The following SCARA5 variants were observed in gnomAD, a reference collection of about 807,000 sequenced individuals.
The protein encoded by SCARA5 is scavenger receptor class A member 5.
In SCARA5, 45 loss-of-function variants were observed where a neutral mutation model predicts 46.3. That is an observed-to-expected ratio of 0.97 (90% confidence interval 0.76 to 1.24). The LOEUF is 1.24. SCARA5 is among the 50% of genes most tolerant of loss of function. SCARA5 has a pLI of 0.00. For synonymous variants in SCARA5, 333 were observed against 306.5 expected, an observed-to-expected ratio of 1.09 and a Z score of -0.90; for missense variants, 680 against 689.0, an observed-to-expected ratio of 0.99 and a Z score of 0.15.
At chr8:27,962,226 A>G (rs1362495724) in intron 3 of SCARA5, among the ~76,000 whole-genome samples, 1 of 152,200 alleles carries the variant, frequency 6.6e-6, no homozygotes, top group Non-Finnish European at 1.5e-5. Flanking sequence ...TCAAATTCAC[A>G]TATCCTCATA....
intron 4 of SCARA5, among the ~76,000 whole-genome samples, chr8:27,918,324 A>G (rs1464993612): frequency 6.6e-6 from 1 of 152,128 alleles, no homozygotes; most frequent in Non-Finnish European, 1.5e-5. Context: ...GATTCTCCTC[A>G]GGTCCCATTT....
chr8:27,930,780 C>G (rs1422324302), intron 3 of SCARA5, among the ~76,000 whole-genome samples: 1 of 152,134 alleles, frequency 6.6e-6, no homozygotes, highest in African/African-American at 2.4e-5. Flanking sequence ...ATACATAGCT[C>G]AAGGCCACCC....
chr8:27,916,556 G>A (rs1461042150), intron 4 of SCARA5, among the ~76,000 whole-genome samples: 1 of 152,116 alleles, frequency 6.6e-6, no homozygotes, highest in African/African-American at 2.4e-5. Flanking sequence ...ATAAAGCTAG[G>A]GCAGAAAGGC....
intron 3 of SCARA5, among the ~76,000 whole-genome samples, chr8:27,960,580 T>C (rs1808279357): frequency 6.6e-6 from 1 of 152,198 alleles, no homozygotes; most frequent in African/African-American, 2.4e-5. Context: ...GATCAACCCA[T>C]TGTACAGATG....
rs573121306 is a variant in SCARA5 at position 27,871,839 on chromosome 8, C to A, written c.*95G>T. ...CTGAGAATGCTGGACGGGGTGTGGT[C>A]GAGGCATGGTCAGGGTGGCCCCGAG... is the stretch of plus-strand genomic sequence containing the variant. On this transcript the variant is annotated 3_prime_UTR_variant, in exon 9 of 9. Coordinates refer to ENST00000354914, the MANE Select transcript of SCARA5 (RefSeq NM_173833.6). 1 of 1,585,942 alleles carries A rather than the reference C, an allele frequency of 6.3e-7. No homozygotes were observed. The highest frequency in any genetic ancestry group is 1.2e-5 in the South Asian group (1 of 86,282).
At position 27,921,540 on chromosome 8, in the gene SCARA5, G is replaced by A. The variant is rs76990816; in HGVS notation, c.916+31C>T. Reference sequence around the variant, plus strand: ...GAGGAAGACCCCATCAGAAGGGGCCGTGGGTGGAGGCAGCAAGGGCCTGGC... The same window carrying A: ...GAGGAAGACCCCATCAGAAGGGGCCATGGGTGGAGGCAGCAAGGGCCTGGC... On this transcript the variant is annotated intron_variant, in intron 4 of 8. Transcript: ENST00000354914. 2.6e-3 allele frequency: 3,937 copies of A among 1,517,838 alleles called. 77 individuals carry two copies. In the African/African-American group the frequency reaches 0.043, roughly 16 times the overall value. 94.0% of individuals were successfully genotyped at this position (1,517,838 alleles called of 1,614,324 possible).
At position 27,922,039 on chromosome 8, in the gene SCARA5, C is replaced by G; in HGVS notation, c.448G>C (p.Glu150Gln). ...GCCTGCAGCCCCCACAGCGCGCCCT[C>G]CAGCCGCTGCACTGCGCCCGCCAGC... Reference protein sequence around the residue: ...LALAGAVQRLEGALWGLQAQA... With the variant: ...LALAGAVQRLQGALWGLQAQA... Residue 150 changes from glutamate (E) to glutamine (Q), a missense_variant, in exon 4 of 9, where the codon GAG becomes CAG. Glu to Gln is a conservative substitution (Grantham distance 29, BLOSUM62 2). Around this residue, in one of 3 missense-constraint regions of SCARA5, gnomAD observed 438 missense variants for 384.5 expected, o/e 1.14. Coordinates refer to ENST00000354914, the MANE Select transcript of SCARA5 (RefSeq NM_173833.6). The G allele has an allele frequency of 6.3e-7, 1 of 1,575,682 alleles. No homozygotes were observed. Among genetic ancestry groups the G allele is most frequent in the East Asian group, 2.3e-5 (1 of 42,716 alleles).
chr8:27,898,835 GC>G (rs1807104754), intron 7 of SCARA5, among the ~76,000 whole-genome samples: 1 of 152,204 alleles, frequency 6.6e-6, no homozygotes, highest in Non-Finnish European at 1.5e-5. Context: ...AATCAGTCAT[GC>G]TAATGTAATG....
At position 27,954,579 on chromosome 8, in the gene SCARA5, CTT is replaced by C. The variant is rs542040189; in HGVS notation, c.241+11833_241+11834del. On this transcript the variant is annotated intron_variant, in intron 3 of 8. Coordinates refer to ENST00000354914, the MANE Select transcript of SCARA5 (RefSeq NM_173833.6). ...CATAATACTCCTTTGTGTTAACTGT[CTT>C]TTAAACAATGCTCTGAGACTGCACA... Among the ~76,000 whole-genome samples, 386 of 152,258 alleles carry C rather than the reference CTT, an allele frequency of 2.5e-3. 3 individuals are homozygous for C. Among genetic ancestry groups the C allele is most frequent in the African/African-American group, 9.0e-3 (373 of 41,538 alleles).
At chr8:27,979,692 T>C (rs1352953954) in intron 2 of SCARA5, among the ~76,000 whole-genome samples, 1 of 152,122 alleles carries the variant, frequency 6.6e-6, no homozygotes, top group East Asian at 1.9e-4. Context: ...TAGCTGGGAT[T>C]ACAGGCACAC....
chr8:27,952,460 T>TG (rs1472660937), intron 3 of SCARA5, among the ~76,000 whole-genome samples: 1 of 151,888 alleles, frequency 6.6e-6, no homozygotes, highest in Non-Finnish European at 1.5e-5. Flanking sequence ...GCACAGGGAG[T>TG]GGTCAGGGGG....
At chr8:27,882,671 A>G (rs565410948) in intron 7 of SCARA5, among the ~76,000 whole-genome samples, 3 of 152,358 alleles carry the variant, frequency 2.0e-5, no homozygotes, top group African/African-American at 7.2e-5. Context: ...TACTATCTGC[A>G]ACTGTGAGAC....
intron 3 of SCARA5, among the ~76,000 whole-genome samples, chr8:27,933,220 G>A (rs1271365666): frequency 2.0e-5 from 3 of 152,148 alleles, no homozygotes; most frequent in Non-Finnish European, 4.4e-5. Flanking sequence ...AGTGACAAGT[G>A]GTTAGAACAG....
chr8:27,956,767 C>T (rs1263511310), intron 3 of SCARA5, among the ~76,000 whole-genome samples: 2 of 152,162 alleles, frequency 1.3e-5, no homozygotes, highest in Non-Finnish European at 2.9e-5. Flanking sequence ...TCCCATCTCC[C>T]TGTGTCTCAT....
chr8:27,967,346 G>A (rs556299931), intron 2 of SCARA5, among the ~76,000 whole-genome samples: 1 of 152,182 alleles, frequency 6.6e-6, no homozygotes, highest in African/African-American at 2.4e-5. Context: ...CAGCAAATCC[G>A]GCCCCAGGAC....
rs1000937719 is a variant in SCARA5, at chr8:27,918,156, G to T, written c.916+3415C>A. Reference sequence around the variant, plus strand: ...ATCATTGAACTGTACACCTGAAAAGGGGGTATTTCATGGCATGTAAATTAC... The same window carrying T: ...ATCATTGAACTGTACACCTGAAAAGTGGGTATTTCATGGCATGTAAATTAC... On this transcript the variant is annotated intron_variant, in intron 4 of 8. Transcript: ENST00000354914. Among the ~76,000 whole-genome samples, 2 of 152,222 alleles carry T rather than the reference G, an allele frequency of 1.3e-5. 1 individual carries two copies. Among genetic ancestry groups the T allele is most frequent in the Middle Eastern group, 6.8e-3 (2 of 294 alleles).
At chr8:27,894,521 A>G (rs1034700858) in intron 7 of SCARA5, among the ~76,000 whole-genome samples, 5 of 152,184 alleles carry the variant, frequency 3.3e-5, no homozygotes, top group East Asian at 1.9e-4. Flanking sequence ...GAAACCCACC[A>G]GTGTGAGGGG....
At chr8:27,971,226 G>A (rs980699188) in intron 2 of SCARA5, among the ~76,000 whole-genome samples, 1 of 152,230 alleles carries the variant, frequency 6.6e-6, no homozygotes, top group Non-Finnish European at 1.5e-5. Context: ...AGGTTGGTGC[G>A]GAAGGGAGCG....
intron 3 of SCARA5, among the ~76,000 whole-genome samples, chr8:27,952,830 T>C (rs994445035): frequency 1.3e-5 from 2 of 152,202 alleles, no homozygotes; most frequent in Non-Finnish European, 2.9e-5. Context: ...ACCCCTTTTC[T>C]AGTCGTAACA....
Sources: gnomAD v4.1 joint callset for allele counts (sites outside exome capture counted in the v4.1 genomes callset) on GRCh38, gnomAD v4.1.1 for gene constraint, gnomAD v4.1.1 regional missense constraint, MANE v1.5 for transcripts, NCBI Gene and HGNC (gene_info 2026-07-23, HGNC 2026-07-21) for gene names.